The following CDH13 variants were observed in gnomAD, a reference collection of about 807,000 sequenced individuals.
CDH13 encodes the protein cadherin 13, also known as cadherin-13.
Under a neutral mutation model 63.8 loss-of-function variants are expected in CDH13, and 24 were observed. The ratio of observed to expected loss-of-function variants is 0.38; its 90% CI spans 0.27 to 0.53. CDH13 has a LOEUF of 0.53. Among genes scored for constraint, CDH13 ranks in the 20% least tolerant of loss-of-function variants. The probability of loss-of-function intolerance (pLI) is 0.85; values close to 1 mark genes in which losing one functional copy is unlikely to be tolerated. For synonymous variants in CDH13, 503 were observed against 355.3 expected (o/e 1.42, Z -4.67); for missense variants, 1,049 against 903.1 (o/e 1.16, Z -2.07).
intron 11 of CDH13, among the ~76,000 whole-genome samples, chr16:83,751,512 A>G (rs563561700): frequency 1.3e-5 from 2 of 152,310 alleles, no homozygotes; most frequent in East Asian, 1.9e-4. Context: ...GGTGATGGCA[A>G]GATGTGAGGA....
At chr16:82,979,235 T>C (rs977877484) in intron 2 of CDH13, among the ~76,000 whole-genome samples, 1 of 152,188 alleles carries the variant, frequency 6.6e-6, no homozygotes. Flanking sequence ...CTTGTAGGCC[T>C]CGTCTCAGAT....
At chr16:82,808,360 A>C (rs906719143) in intron 1 of CDH13, among the ~76,000 whole-genome samples, 5 of 152,160 alleles carry the variant, frequency 3.3e-5, no homozygotes, top group African/African-American at 9.7e-5. Context: ...TCTACTTTCT[A>C]GGGAATTACA....
At chr16:83,588,713 C>G (rs763147205) in intron 7 of CDH13, among the ~76,000 whole-genome samples, 3 of 152,210 alleles carry the variant, frequency 2.0e-5, no homozygotes, top group Non-Finnish European at 4.4e-5. Flanking sequence ...CATCTTCCCA[C>G]TAGACAGATT....
intron 10 of CDH13, among the ~76,000 whole-genome samples, chr16:83,703,328 G>A (rs1275370317): frequency 1.3e-5 from 2 of 152,196 alleles, no homozygotes; most frequent in Non-Finnish European, 2.9e-5. Flanking sequence ...AGATTTATGT[G>A]CGGAGTTGTA....
intron 1 of CDH13, among the ~76,000 whole-genome samples, chr16:82,782,319 T>G (rs2035792417): frequency 6.6e-6 from 1 of 152,130 alleles, no homozygotes; most frequent in Admixed American, 6.5e-5. Context: ...CCCAGCACTT[T>G]GGGAGGCTGA....
chr16:82,653,761 C>G (rs576006379), intron 1 of CDH13, among the ~76,000 whole-genome samples: 26 of 152,238 alleles, frequency 1.7e-4, no homozygotes, highest in African/African-American at 5.5e-4. Flanking sequence ...GTGACAGACG[C>G]TCTTAAATCT....
intron 6 of CDH13, among the ~76,000 whole-genome samples, chr16:83,456,969 A>G (rs1003500060): frequency 2.0e-5 from 3 of 152,136 alleles, no homozygotes; most frequent in Non-Finnish European, 4.4e-5. Context: ...CTAAAATAAT[A>G]AAAAGAAAGA....
At chr16:82,909,909 C>T (rs1184024607) in intron 2 of CDH13, among the ~76,000 whole-genome samples, 1 of 152,118 alleles carries the variant, frequency 6.6e-6, no homozygotes, top group Non-Finnish European at 1.5e-5. Flanking sequence ...TTCATGTGCA[C>T]CAATATCTGG....
intron 2 of CDH13, among the ~76,000 whole-genome samples, chr16:83,006,102 A>G (rs1387773686): frequency 6.6e-6 from 1 of 152,216 alleles, no homozygotes; most frequent in African/African-American, 2.4e-5. Flanking sequence ...GTTGCACAAT[A>G]CTGGCGTCAG....
chr16:83,059,234 C>A (rs1398630483), intron 3 of CDH13, among the ~76,000 whole-genome samples: 2 of 152,200 alleles, frequency 1.3e-5, no homozygotes, highest in Admixed American at 1.3e-4. Flanking sequence ...TTCTCAGAGT[C>A]ATCCACCTGA....
At chr16:82,867,886 A>G (rs2040205590) in intron 2 of CDH13, among the ~76,000 whole-genome samples, 1 of 152,180 alleles carries the variant, frequency 6.6e-6, no homozygotes, top group Admixed American at 6.5e-5. Context: ...AAGCTGACTT[A>G]GGCTTTTATC....
At chr16:82,994,914 C>T (rs934631249) in intron 2 of CDH13, among the ~76,000 whole-genome samples, 1 of 152,152 alleles carries the variant, frequency 6.6e-6, no homozygotes, top group African/African-American at 2.4e-5. Context: ...AGCTACATGA[C>T]CTCGGGCAAG....
At chr16:83,227,063 C>G (rs17749387) in intron 5 of CDH13, among the ~76,000 whole-genome samples, 11,035 of 152,258 alleles carry the variant, frequency 0.072, 521 homozygotes, top group Non-Finnish European at 0.11. Flanking sequence ...GTTGAAGACC[C>G]TTGGGTTCGA....
intron 7 of CDH13, among the ~76,000 whole-genome samples, chr16:83,503,480 G>A (rs1439763144): frequency 6.6e-6 from 1 of 152,156 alleles, no homozygotes; most frequent in Non-Finnish European, 1.5e-5. Context: ...AAGGGGAAGA[G>A]AAACAGGAGA....
In CDH13 at chr16:83,439,533, A is replaced by G. The variant is rs148296338; in HGVS notation, c.782-46944A>G. On this transcript the variant is annotated intron_variant, in intron 6 of 13. Transcript: ENST00000567109. ...CGGAAGCATGGGTAGTTCTATGACCAGTGCTAAATCTCATCTTTAGGTAGG... is the reference window on the plus strand; with the variant it reads ...CGGAAGCATGGGTAGTTCTATGACCGGTGCTAAATCTCATCTTTAGGTAGG... Among the ~76,000 whole-genome samples the G allele has an allele frequency of 5.9e-5, 9 of 152,358 alleles. No homozygotes were observed. The Middle Eastern group carries it at 0.01, about 173-fold the overall frequency.
intron 1 of CDH13, among the ~76,000 whole-genome samples, chr16:82,692,171 G>T (rs1024063408): frequency 6.6e-6 from 1 of 152,212 alleles, no homozygotes; most frequent in Non-Finnish European, 1.5e-5. Context: ...AGTGTAAGCT[G>T]CAGGAAGAAA....
intron 7 of CDH13, among the ~76,000 whole-genome samples, chr16:83,584,002 A>G (rs914111367): frequency 1.3e-5 from 2 of 152,084 alleles, no homozygotes; most frequent in African/African-American, 4.8e-5. Flanking sequence ...TGCTGTTTTC[A>G]CTATGCCATA....
intron 5 of CDH13, among the ~76,000 whole-genome samples, chr16:83,311,103 C>A (rs971296571): frequency 6.6e-6 from 1 of 152,218 alleles, no homozygotes; most frequent in Non-Finnish European, 1.5e-5. Context: ...CGTCTCGGTT[C>A]TGTTCTTCAA....
intron 1 of CDH13, among the ~76,000 whole-genome samples, chr16:82,706,125 C>G (rs2031472257): frequency 6.6e-6 from 1 of 152,030 alleles, no homozygotes; most frequent in African/African-American, 2.4e-5. Context: ...CTTCTCTCCT[C>G]CCCATCTTCT....
Sources: gnomAD v4.1 joint callset for allele counts (sites outside exome capture counted in the v4.1 genomes callset) on GRCh38, gnomAD v4.1.1 for gene constraint, MANE v1.5 for transcripts, NCBI Gene and HGNC (gene_info 2026-07-23, HGNC 2026-07-21) for gene names.